Variants in XRCC1 observed in about 807,000 individuals in gnomAD.
The protein encoded by XRCC1 is DNA repair protein XRCC1.
A neutral mutation model predicts 83.3 loss-of-function variants in XRCC1; 52 were observed. The ratio of observed to expected loss-of-function variants is 0.62; its 90% CI spans 0.50 to 0.79. The LOEUF is 0.79. XRCC1 is among the 30% of genes least tolerant of loss of function. The probability of loss-of-function intolerance (pLI) is 0.00; values close to 1 mark genes in which losing one functional copy is unlikely to be tolerated. For synonymous variants in XRCC1, 281 were observed against 312.6 expected (o/e 0.90, Z 1.07); for missense variants, 793 against 823.5 (o/e 0.96, Z 0.45).
chr19:43,546,050 A>G lies in XRCC1; in HGVS notation c.1481+2T>C. 2 of 1,598,724 alleles carry G rather than the reference A, an allele frequency of 1.3e-6. No homozygotes were observed. Among genetic ancestry groups the G allele is most frequent in the Non-Finnish European group, 1.7e-6 (2 of 1,174,890 alleles). ...CACCCCAACCCCCAGCCCCAGCCCT[A>G]CCTCCTCAGCTCATCCTCTGTGTCC... On this transcript the variant is annotated splice_donor_variant, in intron 13 of 16. Transcript: ENST00000262887. LOFTEE classifies it high-confidence loss of function.
chr19:43,573,223 G>A (rs1479732130), intron 2 of XRCC1, among the ~76,000 whole-genome samples: 2 of 152,066 alleles, frequency 1.3e-5, no homozygotes, highest in African/African-American at 2.4e-5. Context: ...ATACCAACAA[G>A]CATTCTTATA....
rs2146052465 is a variant in XRCC1 at position 43,553,450 on chromosome 19, A to G, written c.552T>C (p.Ser184=). Residue 184 remains serine, a synonymous_variant, in exon 6 of 17, where the codon TCT becomes TCC. Coordinates refer to ENST00000262887, the MANE Select transcript of XRCC1 (RefSeq NM_006297.3). ...TGAAGAAGAGAGCCCCCGGCCTCAGAGAGTTGGCGCTCTCATCCTCCTCCT... is the reference window on the plus strand; with the variant it reads ...TGAAGAAGAGAGCCCCCGGCCTCAGGGAGTTGGCGCTCTCATCCTCCTCCT... ...RVKEEDESAN[S]LRPGALFFSR... The G allele has an allele frequency of 6.2e-7, 1 of 1,614,148 alleles. No individual in the cohort carries two copies. Among genetic ancestry groups the G allele is most frequent in the Non-Finnish European group, 8.5e-7 (1 of 1,180,022 alleles).
At chr19:43,550,342 G>T (rs755431236) in intron 10 of XRCC1, among the ~76,000 whole-genome samples, 8 of 152,016 alleles carry the variant, frequency 5.3e-5, no homozygotes, top group Non-Finnish European at 1.2e-4. Flanking sequence ...GCAGCGAAAT[G>T]AGTTTGTGCT....
intron 10 of XRCC1, among the ~76,000 whole-genome samples, chr19:43,548,098 G>C (rs1219863440): frequency 7.0e-6 from 1 of 142,432 alleles, no homozygotes; most frequent in Non-Finnish European, 1.5e-5. Flanking sequence ...CGCCCCATCC[G>C]GGAGGGAGGT....
intron 3 of XRCC1, among the ~76,000 whole-genome samples, chr19:43,558,971 TA>T (rs1238491703): frequency 6.6e-6 from 1 of 151,618 alleles, no homozygotes; most frequent in Non-Finnish European, 1.5e-5. Flanking sequence ...ACCCCATTTC[TA>T]CAAAAAATTT....
At position 43,575,514 on chromosome 19, in the gene XRCC1, G is replaced by C; in HGVS notation, c.-56C>G. 1 of 1,577,172 alleles carries C rather than the reference G, an allele frequency of 6.3e-7. No individual in the cohort carries two copies. The highest frequency in any genetic ancestry group is 2.3e-5 in the East Asian group (1 of 43,772). ...GGATGAGGTAGAGTATGGGGTCCGA[G>C]GGGCAGGGAGAGTGGGAGGGGGCGG... is the stretch of plus-strand genomic sequence containing the variant. On this transcript the variant is annotated 5_prime_UTR_variant, in exon 1 of 17. Transcript: ENST00000262887.
chr19:43,557,212 G>C (rs1175026602), intron 3 of XRCC1, among the ~76,000 whole-genome samples: 1 of 151,016 alleles, frequency 6.6e-6, no homozygotes, highest in East Asian at 2.0e-4. Context: ...GGGAGGCTGA[G>C]GCAGGAGAAT....
chr19:43,549,068 T>C (rs1031785179), intron 10 of XRCC1, among the ~76,000 whole-genome samples: 6 of 152,130 alleles, frequency 3.9e-5, no homozygotes, highest in African/African-American at 1.4e-4. Context: ...TTTAGGTAAG[T>C]CACACTCATA....
intron 2 of XRCC1, among the ~76,000 whole-genome samples, chr19:43,572,265 G>C (rs1417582291): frequency 6.7e-6 from 1 of 149,792 alleles, no homozygotes; most frequent in African/African-American, 2.5e-5. Context: ...CACCCACTAA[G>C]TAATAAAAAC....
chr19:43,547,239 T>G lies in XRCC1; in HGVS notation c.1200-262A>C, dbSNP rs541414281. On this transcript the variant is annotated intron_variant, in intron 10 of 16. Transcript: ENST00000262887. ...AGTCCATTCCATCGCCAGGCTGGAG[T>G]GCAGTGGCCTCATCTCGGCTCACTG... Among the ~76,000 whole-genome samples the G allele has an allele frequency of 1.3e-3, 195 of 151,444 alleles. 1 individual carries two copies. The highest frequency in any genetic ancestry group is 4.7e-3 in the African/African-American group (192 of 41,260).
At chr19:43,544,097 C>A in intron 15 of XRCC1, 47 bp downstream of exon 15, 1 of 1,511,494 alleles carries the variant, frequency 6.6e-7, no homozygotes, top group Non-Finnish European at 9.0e-7. Context: ...CCTGAGCGTT[C>A]CCTTGGATCC....
At chr19:43,546,842 C>G in intron 11 of XRCC1, 42 bp downstream of exon 11, 1 of 1,608,586 alleles carries the variant, frequency 6.2e-7, no homozygotes, top group South Asian at 1.1e-5. Context: ...CTCATGTCAT[C>G]CTCCCACTAC....
rs1972594775 is a variant in XRCC1, at chr19:43,552,803, G to T, written c.817C>A (p.Pro273Thr). Residue 273 changes from proline to threonine, a missense_variant, in exon 8 of 17, where the codon CCT (proline) becomes ACT (threonine). Coordinates refer to ENST00000262887, the MANE Select transcript of XRCC1 (RefSeq NM_006297.3). ...AGGGATCTAGTTAGCTCACATTTAG[G>T]TCTCTTGGGAACAGATGGCGACAGC... is the stretch of plus-strand genomic sequence containing the variant. ...AQLSPSVPKRPKLPAPTRTPA... is the reference protein window; with the variant it reads ...AQLSPSVPKRTKLPAPTRTPA... 4 of 1,605,702 alleles carry T rather than the reference G, an allele frequency of 2.5e-6. No individual in the cohort carries two copies. Among genetic ancestry groups the T allele is most frequent in the Non-Finnish European group, 3.4e-6 (4 of 1,176,984 alleles).
Position 43,568,497 on chromosome 19 carries a change from AAAGT to A in XRCC1, c.144+6409_144+6412del, listed in dbSNP as rs200331399. Reference sequence around the variant, plus strand: ...GAGTGACAGAGCGAGATTCTGTCTCAAAGTAAGTAAGTAAGTAAGTAAGTAAATA... The same window carrying A: ...GAGTGACAGAGCGAGATTCTGTCTCAAAGTAAGTAAGTAAGTAAGTAAATA... On this transcript the variant is annotated intron_variant, in intron 2 of 16. Transcript: ENST00000262887. Among the ~76,000 whole-genome samples, 856 of 152,044 alleles carry A rather than the reference AAAGT, an allele frequency of 5.6e-3. 7 individuals carry two copies. Among genetic ancestry groups the A allele is most frequent in the South Asian group, 0.014 (67 of 4,814 alleles).
intron 6 of XRCC1, 54 bp downstream of exon 6, chr19:43,553,347 C>T (rs1972601486): frequency 6.3e-7 from 1 of 1,576,440 alleles, no homozygotes; most frequent in Non-Finnish European, 8.7e-7. Flanking sequence ...CCCTCAGACC[C>T]ACGAGTCTAG....
chr19:43,574,215 G>A (rs1367738116), intron 2 of XRCC1, among the ~76,000 whole-genome samples: 4 of 151,764 alleles, frequency 2.6e-5, no homozygotes, highest in Non-Finnish European at 5.9e-5. Flanking sequence ...AGCTGGGATT[G>A]CAGGTGCACA....
At chr19:43,569,674 TG>T (rs1163212281) in intron 2 of XRCC1, among the ~76,000 whole-genome samples, 1 of 150,824 alleles carries the variant, frequency 6.6e-6, no homozygotes, top group Non-Finnish European at 1.5e-5. Flanking sequence ...CCCAGCTACT[TG>T]GGAGGCTGAG....
intron 1 of XRCC1, 69 bp downstream of exon 1, chr19:43,575,339 A>G: frequency 6.8e-7 from 1 of 1,469,064 alleles, no homozygotes. Flanking sequence ...AGAACCCCAA[A>G]AGCTCTTTTA....
In XRCC1 at chr19:43,548,766, C is replaced by CAAAAAAAAAAAAAAAAAAAAAAAAAAA. The variant is rs60740505; in HGVS notation, c.1200-1790_1200-1789insTTTTTTTTTTTTTTTTTTTTTTTTTTT. Among the ~76,000 whole-genome samples, 30 of 64,570 alleles carry CAAAAAAAAAAAAAAAAAAAAAAAAAAA rather than the reference C, an allele frequency of 4.6e-4. 1 individual carries two copies. The highest frequency in any genetic ancestry group is 2.0e-3 in the Admixed American group (11 of 5,630). The allele number at this position is 64,570 out of a possible 152,430, so 42.4% of individuals were successfully genotyped here. ...TCTGTGAGAAACACCCAAGAATGATCAAAAAAAAAAAAAAAAAAAACACAA... is the reference window on the plus strand; with the variant it reads ...TCTGTGAGAAACACCCAAGAATGATCAAAAAAAAAAAAAAAAAAAAAAAAAAAAAAAAAAAAAAAAAAAAAAACACAA... On this transcript the variant is annotated intron_variant, in intron 10 of 16. Transcript: ENST00000262887.
Sources: gnomAD v4.1 joint callset for allele counts (sites outside exome capture counted in the v4.1 genomes callset) on GRCh38, gnomAD v4.1.1 for gene constraint, MANE v1.5 for transcripts, NCBI Gene and HGNC (gene_info 2026-07-23, HGNC 2026-07-21) for gene names.